RGS6: variants seen among roughly 807,000 people sequenced by gnomAD.
RGS6 encodes regulator of G-protein signaling 6.
A neutral mutation model predicts 78.5 loss-of-function variants in RGS6; 30 were observed. The ratio of observed to expected loss-of-function variants is 0.38; its 90% confidence interval spans 0.29 to 0.52. RGS6 has a LOEUF of 0.52. Ranked by LOEUF, RGS6 falls within the 20% of genes least tolerant of loss-of-function variation. RGS6 has a pLI of 0.85. For synonymous variants in RGS6, 206 were observed against 206.0 expected (o/e 1.00, Z 0.00); for missense variants, 495 against 609.7 (o/e 0.81, Z 1.98).
At chr14:72,501,244 A>G (rs2096721258) in intron 13 of RGS6, among the ~76,000 whole-genome samples, 1 of 152,210 alleles carries the variant, frequency 6.6e-6, no homozygotes, top group Non-Finnish European at 1.5e-5. Context: ...ACAGACAGCC[A>G]AATGGAGGAT....
intron 2 of RGS6, among the ~76,000 whole-genome samples, chr14:72,085,156 A>G (rs115374741): frequency 0.015 from 2,280 of 152,338 alleles, 51 homozygotes; most frequent in African/African-American, 0.051. Flanking sequence ...TTATCTTTGC[A>G]ACAGTAAGGC....
At chr14:72,225,735 A>C (rs1000657905) in intron 2 of RGS6, among the ~76,000 whole-genome samples, 1 of 152,200 alleles carries the variant, frequency 6.6e-6, no homozygotes, top group Non-Finnish European at 1.5e-5. Flanking sequence ...CAAAAATTCT[A>C]TGCTTTTTGC....
intron 2 of RGS6, among the ~76,000 whole-genome samples, chr14:72,083,254 G>A (rs543694824): frequency 5.5e-4 from 83 of 152,200 alleles, no homozygotes; most frequent in Non-Finnish European, 9.7e-4. Flanking sequence ...ATAGATCAAC[G>A]GTTCCCAACC....
chr14:72,248,041 G>A (rs1322943943), intron 2 of RGS6, among the ~76,000 whole-genome samples: 1 of 152,218 alleles, frequency 6.6e-6, no homozygotes, highest in African/African-American at 2.4e-5. Flanking sequence ...TCTCAGTTGT[G>A]TCAGTGAAAG....
At chr14:72,426,169 CT>C (rs1423192897) in intron 3 of RGS6, among the ~76,000 whole-genome samples, 2 of 152,156 alleles carry the variant, frequency 1.3e-5, no homozygotes, top group African/African-American at 4.8e-5. Context: ...TTACTAAGTT[CT>C]TTTCATAAGC....
chr14:71,868,093 T>G, the RGS6 span, among the ~76,000 whole-genome samples: 14 of 152,316 alleles, frequency 9.2e-5, no homozygotes, highest in African/African-American at 3.4e-4. Flanking sequence ...ATGGAGCCAG[T>G]GCTATCTTCC....
intron 2 of RGS6, among the ~76,000 whole-genome samples, chr14:72,277,604 A>AT (rs1403687845): frequency 2.1e-5 from 3 of 145,648 alleles, no homozygotes; most frequent in Non-Finnish European, 4.5e-5. Flanking sequence ...TAAAAAATAA[A>AT]AAAAAAAAAT....
intron 13 of RGS6, among the ~76,000 whole-genome samples, chr14:72,499,458 G>A (rs75090351): frequency 2.1e-3 from 323 of 152,256 alleles, no homozygotes; most frequent in Non-Finnish European, 3.7e-3. Context: ...CTCAGAGCTC[G>A]GGGTTTCCCA....
At chr14:72,370,349 C>T (rs1303461368) in intron 3 of RGS6, among the ~76,000 whole-genome samples, 3 of 152,120 alleles carry the variant, frequency 2.0e-5, no homozygotes, top group Non-Finnish European at 4.4e-5. Context: ...ACATTATCTC[C>T]TATGCCATAG....
intron 2 of RGS6, among the ~76,000 whole-genome samples, chr14:72,202,719 C>T (rs1392505983): frequency 2.0e-5 from 3 of 151,914 alleles, no homozygotes; most frequent in African/African-American, 4.8e-5. Context: ...GAGATGCAAA[C>T]CCTTGGAGGG....
At chr14:72,114,925 G>T (rs187741165) in intron 2 of RGS6, among the ~76,000 whole-genome samples, 61 of 152,260 alleles carry the variant, frequency 4.0e-4, no homozygotes, top group Non-Finnish European at 6.8e-4. Context: ...TTATGATAAA[G>T]AAAAACAAGA....
At chr14:72,209,594 T>C (rs1229819327) in intron 2 of RGS6, among the ~76,000 whole-genome samples, 1 of 152,164 alleles carries the variant, frequency 6.6e-6, no homozygotes, top group Admixed American at 6.5e-5. Context: ...GTGGAAACCC[T>C]CTCACCTCCC....
At chr14:72,396,323 G>A (rs986950488) in intron 3 of RGS6, among the ~76,000 whole-genome samples, 1 of 152,168 alleles carries the variant, frequency 6.6e-6, no homozygotes, top group East Asian at 1.9e-4. Context: ...TTTTTTGGCT[G>A]CATAAATGTC....
chr14:72,023,397 T>G (rs943696091), intron 2 of RGS6, among the ~76,000 whole-genome samples: 4 of 152,040 alleles, frequency 2.6e-5, no homozygotes, highest in Non-Finnish European at 5.9e-5. Flanking sequence ...AGGGACTCCA[T>G]TTAAAATTTG....
chr14:72,158,208 G>A (rs1027334663), intron 2 of RGS6, among the ~76,000 whole-genome samples: 13 of 152,188 alleles, frequency 8.5e-5, no homozygotes, highest in Non-Finnish European at 1.8e-4. Context: ...TCAGGGCCGC[G>A]AGGGCAGGGT....
At chr14:72,447,903 C>T (rs575173955) in intron 3 of RGS6, among the ~76,000 whole-genome samples, 11 of 152,168 alleles carry the variant, frequency 7.2e-5, no homozygotes, top group African/African-American at 2.2e-4. Flanking sequence ...AGGGTTTCAC[C>T]ATGTTGGCCA....
At chr14:72,166,421 A>T (rs1286689775) in intron 2 of RGS6, among the ~76,000 whole-genome samples, 1 of 152,232 alleles carries the variant, frequency 6.6e-6, no homozygotes, top group African/African-American at 2.4e-5. Context: ...AAGCAAAATT[A>T]ATGCTGAATA....
At chr14:72,152,553 G>A (rs1344980736) in intron 2 of RGS6, among the ~76,000 whole-genome samples, 1 of 152,130 alleles carries the variant, frequency 6.6e-6, no homozygotes, top group African/African-American at 2.4e-5. Flanking sequence ...ACATACAGTT[G>A]TTTTGTAAAC....
At chr14:72,124,574 T>G (rs2096141179) in intron 2 of RGS6, among the ~76,000 whole-genome samples, 1 of 152,188 alleles carries the variant, frequency 6.6e-6, no homozygotes, top group Non-Finnish European at 1.5e-5. Flanking sequence ...CTATTAACAG[T>G]TTACCCTAGA....
Sources: allele counts gnomAD v4.1 joint callset (sites outside exome capture counted in the v4.1 genomes callset), GRCh38; gene constraint gnomAD v4.1.1; transcripts MANE v1.5; gene names NCBI Gene and HGNC (gene_info 2026-07-23, HGNC 2026-07-21).